Variants in ZNF385B observed in about 807,000 individuals in gnomAD.
ZNF385B encodes the protein zinc finger protein 533.
A neutral mutation model predicts 39.2 loss-of-function variants in ZNF385B; 23 were observed. The ratio of observed to expected loss-of-function variants is 0.59; its 90% CI spans 0.42 to 0.83. The LOEUF is 0.83. Ranked by LOEUF, ZNF385B falls within the 40% of genes least tolerant of loss-of-function variation. ZNF385B has a pLI of 0.00. For missense variants in ZNF385B, 552 were observed against 598.9 expected (o/e 0.92, Z 0.82); for synonymous variants, 205 against 222.6 (o/e 0.92, Z 0.70).
intron 3 of ZNF385B, among the ~76,000 whole-genome samples, chr2:179,559,875 A>G (rs2061211288): frequency 6.6e-6 from 1 of 152,068 alleles, no homozygotes; most frequent in African/African-American, 2.4e-5. Context: ...GTCATCCTAC[A>G]TAATTACAAC....
chr2:179,717,440 T>C (rs781636676), intron 3 of ZNF385B, among the ~76,000 whole-genome samples: 5 of 152,072 alleles, frequency 3.3e-5, no homozygotes, highest in Non-Finnish European at 7.4e-5. Flanking sequence ...AAAGAGAGAA[T>C]AAGAAAGTAT....
At chr2:179,639,247 A>G (rs1463997263) in intron 3 of ZNF385B, among the ~76,000 whole-genome samples, 1 of 128,628 alleles carries the variant, frequency 7.8e-6, no homozygotes, top group Non-Finnish European at 1.7e-5. Flanking sequence ...AAAAAAAAAA[A>G]AAGGGGGAGA....
intron 3 of ZNF385B, among the ~76,000 whole-genome samples, chr2:179,737,664 G>T (rs901651507): frequency 6.6e-6 from 1 of 152,080 alleles, no homozygotes; most frequent in Non-Finnish European, 1.5e-5. Context: ...GCTTTTACTA[G>T]GATAATTTCT....
intron 3 of ZNF385B, among the ~76,000 whole-genome samples, chr2:179,763,171 T>C (rs1055906961): frequency 2.6e-5 from 4 of 152,226 alleles, no homozygotes; most frequent in Admixed American, 6.5e-5. Context: ...CCCAAAGTGC[T>C]GGGATTACAG....
At chr2:179,620,782 G>A (rs1271044561) in intron 3 of ZNF385B, among the ~76,000 whole-genome samples, 4 of 152,030 alleles carry the variant, frequency 2.6e-5, no homozygotes, top group Non-Finnish European at 5.9e-5. Context: ...TTGTATTCCT[G>A]AGGCCTTCTC....
At chr2:179,635,894 C>G (rs531700172) in intron 3 of ZNF385B, among the ~76,000 whole-genome samples, 7 of 152,196 alleles carry the variant, frequency 4.6e-5, no homozygotes, top group African/African-American at 9.6e-5. Flanking sequence ...CACAAACATA[C>G]TCTTATTTGT....
intron 1 of ZNF385B, among the ~76,000 whole-genome samples, chr2:179,836,663 C>A (rs969554524): frequency 4.6e-5 from 7 of 151,026 alleles, no homozygotes; most frequent in Non-Finnish European, 8.8e-5. Flanking sequence ...GGACTACAGG[C>A]GCCCGCCACC....
At chr2:179,734,950 C>A (rs2106436954) in intron 3 of ZNF385B, among the ~76,000 whole-genome samples, 1 of 152,120 alleles carries the variant, frequency 6.6e-6, no homozygotes, top group African/African-American at 2.4e-5. Context: ...CTAGGCATTA[C>A]CATTCAGGAC....
intron 3 of ZNF385B, among the ~76,000 whole-genome samples, chr2:179,758,960 T>C (rs1320211115): frequency 6.6e-6 from 1 of 152,226 alleles, no homozygotes; most frequent in African/African-American, 2.4e-5. Flanking sequence ...CAAACTTCTC[T>C]TGTGTTTCCT....
chr2:179,740,669 G>A (rs1702036541), intron 3 of ZNF385B, among the ~76,000 whole-genome samples: 1 of 152,112 alleles, frequency 6.6e-6, no homozygotes, highest in Non-Finnish European at 1.5e-5. Context: ...GTAAGTAGGA[G>A]GACATTGATG....
chr2:179,515,908 T>C (rs1472773391), intron 5 of ZNF385B, among the ~76,000 whole-genome samples: 2 of 152,120 alleles, frequency 1.3e-5, no homozygotes, highest in Non-Finnish European at 2.9e-5. Flanking sequence ...GTTCCTGCAT[T>C]TCCCTTTCTG....
intron 1 of ZNF385B, among the ~76,000 whole-genome samples, chr2:179,792,667 G>A (rs1446676158): frequency 1.3e-5 from 2 of 151,996 alleles, no homozygotes; most frequent in African/African-American, 2.4e-5. Context: ...GAGCCACCAC[G>A]CCCGGCCCAT....
intron 3 of ZNF385B, chr2:179,745,684 C>T: frequency 6.5e-7 from 1 of 1,531,284 alleles, no homozygotes; most frequent in Non-Finnish European, 8.8e-7. Flanking sequence ...CAGACCCCAG[C>T]ATCCAAGTTT....
chr2:179,541,906 A>G (rs1286034321), intron 4 of ZNF385B, among the ~76,000 whole-genome samples: 2 of 152,184 alleles, frequency 1.3e-5, no homozygotes, highest in Non-Finnish European at 2.9e-5. Flanking sequence ...CCCGAATATG[A>G]ATTTTGAAGT....
intron 5 of ZNF385B, among the ~76,000 whole-genome samples, chr2:179,495,597 A>T (rs2056117996): frequency 6.6e-6 from 1 of 152,192 alleles, no homozygotes; most frequent in Non-Finnish European, 1.5e-5. Context: ...GCACAGTCAC[A>T]GTGGTAGTGG....
chr2:179,631,909 A>G (rs1388089394), intron 3 of ZNF385B, among the ~76,000 whole-genome samples: 1 of 152,204 alleles, frequency 6.6e-6, no homozygotes, highest in Non-Finnish European at 1.5e-5. Context: ...ATCTGATAAA[A>G]CAGACTTTAA....
At position 179,738,277 on chromosome 2, in the gene ZNF385B, T is replaced by A. The variant is rs537296885; in HGVS notation, c.298+31226A>T. Among the ~76,000 whole-genome samples the A allele has an allele frequency of 2.6e-5, 4 of 152,260 alleles. No homozygotes were observed. The East Asian group carries it at 5.8e-4, about 22-fold the overall frequency. On this transcript the variant is annotated intron_variant, in intron 3 of 9. Coordinates refer to ENST00000410066, the MANE Select transcript of ZNF385B (RefSeq NM_152520.6). ...TAATTCGAATGTTACATAAAATAAG[T>A]CCCCTGATAATCTCTTCCCCTTGAT...
intron 3 of ZNF385B, among the ~76,000 whole-genome samples, chr2:179,671,203 C>T (rs1695949282): frequency 6.6e-6 from 1 of 152,130 alleles, no homozygotes; most frequent in South Asian, 2.1e-4. Flanking sequence ...TAAGAACTTC[C>T]AAGAGTGTCT....
chr2:179,621,051 T>G (rs1690167581), intron 3 of ZNF385B, among the ~76,000 whole-genome samples: 1 of 152,088 alleles, frequency 6.6e-6, no homozygotes, highest in Admixed American at 6.6e-5. Flanking sequence ...ATGTCTTGGA[T>G]CATACTAACC....
Sources: gnomAD v4.1 joint callset for allele counts (sites outside exome capture counted in the v4.1 genomes callset) on GRCh38, gnomAD v4.1.1 for gene constraint, MANE v1.5 for transcripts, NCBI Gene and HGNC (gene_info 2026-07-23, HGNC 2026-07-21) for gene names.